The following ERCC1 variants were observed in gnomAD, a reference collection of about 807,000 sequenced individuals.
ERCC1 encodes the protein DNA excision repair protein ERCC-1.
A neutral mutation model predicts 37.6 loss-of-function variants in ERCC1; 36 were observed. The ratio of observed to expected loss-of-function variants is 0.96; its 90% CI spans 0.73 to 1.26. ERCC1 has a LOEUF of 1.26. Among genes scored for constraint, ERCC1 ranks in the 50% most tolerant of loss-of-function variants. The pLI is 0.00. For synonymous variants in ERCC1, 156 were observed against 162.1 expected (o/e 0.96, Z 0.28); for missense variants, 349 against 376.5 (o/e 0.93, Z 0.60).
intron 9 of ERCC1, among the ~76,000 whole-genome samples, chr19:45,412,583 T>C (rs1973808658): frequency 6.6e-6 from 1 of 152,218 alleles, no homozygotes; most frequent in African/African-American, 2.4e-5. Flanking sequence ...ACTTTTTGAT[T>C]GGATTATTAT....
intron 2 of ERCC1, among the ~76,000 whole-genome samples, 164 bp from the exon 3 acceptor site, chr19:45,421,557 C>T (rs951323332): frequency 6.6e-6 from 1 of 152,050 alleles, no homozygotes; most frequent in Non-Finnish European, 1.5e-5. Flanking sequence ...GCAACCTCCA[C>T]CTCCCGGGTT....
intron 1 of ERCC1, among the ~76,000 whole-genome samples, chr19:45,444,696 AAGACCACGCGAC>A (rs1966892043): frequency 6.6e-6 from 1 of 152,208 alleles, no homozygotes; most frequent in Non-Finnish European, 1.5e-5. Flanking sequence ...GATATAAGGA[AAGACCACGCGAC>A]AGATCGAACA....
At chr19:45,424,927 T>TC (rs535566182), upstream of ERCC1, among the ~76,000 whole-genome samples, 346 of 145,932 alleles carry the variant, frequency 2.4e-3, 3 homozygotes, top group African/African-American at 8.6e-3. Context: ...TTTTTCTTTT[T>TC]TTTTTTTTTT....
Position 45,410,716 on chromosome 19 carries a change from A to G in ERCC1, c.844-991T>C, listed in dbSNP as rs191156593. 69 of 152,288 alleles carry G rather than the reference A, an allele frequency of 4.5e-4. 1 individual carries two copies. Among genetic ancestry groups the G allele is most frequent in the African/African-American group, 1.7e-3 (69 of 41,570 alleles). The allele number at this position is 152,288 out of a possible 1,614,324, so 9.4% of individuals were successfully genotyped here. A position where few individuals can be genotyped will look rare whatever the true frequency, so the allele number is the denominator to read the frequency against. The stretch of plus-strand genomic sequence containing the variant: ...ATTGTTTTGATTTTTAGATACACAA[A>G]TAAATAAGAACATGCAATGTTTGTC... On this transcript the variant is annotated intron_variant, in intron 9 of 9. Transcript: ENST00000300853.
chr19:45,428,601 C>T (rs1974758628), upstream of ERCC1, among the ~76,000 whole-genome samples: 1 of 152,254 alleles, frequency 6.6e-6, no homozygotes, highest in Non-Finnish European at 1.5e-5. Flanking sequence ...ACCTTCCCCT[C>T]CTCTCAACTT....
chr19:45,438,898 C>T (rs182949221), intron 1 of ERCC1, among the ~76,000 whole-genome samples: 19 of 152,342 alleles, frequency 1.2e-4, no homozygotes, highest in East Asian at 7.7e-4. Flanking sequence ...CACTCGGCCT[C>T]CCGAAGTGCT....
In ERCC1 at chr19:45,408,809, GAC is replaced by G; in HGVS notation, c.*864_*865del. ...ACAGATTAACACTGAGCCTCTAGAAGACACAGTCCTGTCCCCGACCAAAAAGA... is the reference window on the plus strand; with the variant it reads ...ACAGATTAACACTGAGCCTCTAGAAGACAGTCCTGTCCCCGACCAAAAAGA... On this transcript the variant is annotated 3_prime_UTR_variant, in exon 10 of 10. Transcript: ENST00000300853. 1.2e-6 allele frequency: 2 copies of G among 1,614,032 alleles called. No homozygotes were observed. The highest frequency in any genetic ancestry group is 1.7e-6 in the Non-Finnish European group (2 of 1,180,018).
In ERCC1 at chr19:45,408,204, G is replaced by A. The variant is rs761801066; in HGVS notation, c.*1471C>T. 14 of 1,613,736 alleles carry A rather than the reference G, an allele frequency of 8.7e-6. No individual in the cohort carries two copies. The highest frequency in any genetic ancestry group is 4.4e-5 in the South Asian group (4 of 91,056). ...GGCAAATTGGCAGGCAAGCGGCACCGCTATCGAGTCCTCAGCAGCTGTCCC... is the reference window on the plus strand; with the variant it reads ...GGCAAATTGGCAGGCAAGCGGCACCACTATCGAGTCCTCAGCAGCTGTCCC... On this transcript the variant is annotated 3_prime_UTR_variant, in exon 10 of 10. Transcript: ENST00000300853.
Position 45,409,127 on chromosome 19 carries a change from A to T in ERCC1, c.*548T>A. 6.2e-7 allele frequency: 1 copy of T among 1,613,166 alleles called. No individual in the cohort carries two copies. Among genetic ancestry groups the T allele is most frequent in the Middle Eastern group, 1.7e-4 (1 of 6,056 alleles). On this transcript the variant is annotated 3_prime_UTR_variant, in exon 10 of 10. Transcript: ENST00000300853. ...AGCTCTGGCAGCTCCCAAAAAGAAG[A>T]CGAAGAAAGAAAAACAGCAAGATGC...
At chr19:45,441,627 G>A (rs905362367) in intron 1 of ERCC1, among the ~76,000 whole-genome samples, 9 of 151,612 alleles carry the variant, frequency 5.9e-5, no homozygotes, top group South Asian at 2.1e-4. Context: ...CGCCCACCTC[G>A]GCCTCCCAAA....
chr19:45,420,416 G>A lies in ERCC1; in HGVS notation c.333C>T (p.Pro111=), dbSNP rs200767762. 60 of 1,612,560 alleles carry A rather than the reference G, an allele frequency of 3.7e-5. No homozygotes were observed. Among genetic ancestry groups the A allele is most frequent in the Non-Finnish European group, 4.7e-5 (56 of 1,179,050 alleles). Residue 111 remains proline, a synonymous_variant, in exon 4 of 10, where the codon CCC becomes CCT. Transcript: ENST00000300853. This position sits in a 1 kb window ranked among gnomAD's most constrained non-coding sequence, Gnocchi z 4.8. ...GCACATTGCGCACGAACTTCAGTACGGGATTGCCCCTCTGGGGAGGGACGA... is the reference window on the plus strand; with the variant it reads ...GCACATTGCGCACGAACTTCAGTACAGGATTGCCCCTCTGGGGAGGGACGA... ...IIVSPRQRGN[P]VLKFVRNVPW...
chr19:45,414,919 T>C lies in ERCC1; in HGVS notation c.644A>G (p.Tyr215Cys). ...AGRYLETYKA[Y>C]EQKPADLLME... ...CAGGAGGTCCGCTGGTTTCTGCTCA[T>C]AGGCCTTGTAGGTCTCCAGGTACCG... The change falls in exon 7 of 10, where the codon TAT (tyrosine) becomes TGT (cysteine). Residue 215 changes from tyrosine (Y) to cysteine (C), a missense_variant. Coordinates refer to ENST00000300853, the MANE Select transcript of ERCC1 (RefSeq NM_001983.4). 6.2e-7 allele frequency: 1 copy of C among 1,613,948 alleles called. No homozygotes were observed. Among genetic ancestry groups the C allele is most frequent in the African/African-American group, 1.3e-5 (1 of 75,026 alleles).
chr19:45,445,942 G>A (rs1379779341), intron 1 of ERCC1, among the ~76,000 whole-genome samples: 3 of 152,168 alleles, frequency 2.0e-5, no homozygotes, highest in African/African-American at 4.8e-5. Context: ...AAGCTGGAGT[G>A]CAATGGCGTG....
chr19:45,414,902 C>A lies in ERCC1; in HGVS notation c.661G>T (p.Asp221Tyr). 6.2e-7 allele frequency: 1 copy of A among 1,613,918 alleles called. No individual in the cohort carries two copies. The highest frequency in any genetic ancestry group is 8.5e-7 in the Non-Finnish European group (1 of 1,179,912). ...TGCTCTAGCTTCTCCATCAGGAGGTCCGCTGGTTTCTGCTCATAGGCCTTG... is the reference window on the plus strand; with the variant it reads ...TGCTCTAGCTTCTCCATCAGGAGGTACGCTGGTTTCTGCTCATAGGCCTTG... ...TYKAYEQKPA[D>Y]LLMEKLEQDF... The change falls in exon 7 of 10, where the codon GAC becomes TAC. Residue 221 changes from aspartate to tyrosine, a missense_variant. Asp to Tyr is a radical substitution (Grantham distance 160). Transcript: ENST00000300853.
At chr19:45,412,464 G>A (rs1034699408) in intron 9 of ERCC1, among the ~76,000 whole-genome samples, 3 of 152,098 alleles carry the variant, frequency 2.0e-5, no homozygotes, top group African/African-American at 7.2e-5. Flanking sequence ...CAGCCTCACT[G>A]TAGTTTTGAT....
upstream of ERCC1, among the ~76,000 whole-genome samples, chr19:45,427,394 A>C (rs1974721379): frequency 1.3e-5 from 2 of 152,036 alleles, no homozygotes; most frequent in Non-Finnish European, 2.9e-5. Flanking sequence ...GTGGATCACG[A>C]GGTCAGGAGT....
rs528046799 is a variant in ERCC1, at chr19:45,422,767, A to G, written c.105+503T>C. Among the ~76,000 whole-genome samples the G allele has an allele frequency of 7.9e-5, 12 of 152,150 alleles. No individual in the cohort carries two copies. The South Asian group carries it at 2.5e-3, about 32-fold the overall frequency. ...GCGAGACTCTGTCTCAAAAAAATAAATAAATAAATAAATAAATAGAGTAGG... is the reference window on the plus strand; with the variant it reads ...GCGAGACTCTGTCTCAAAAAAATAAGTAAATAAATAAATAAATAGAGTAGG... On this transcript the variant is annotated intron_variant, in intron 2 of 9. Coordinates refer to ENST00000300853, the MANE Select transcript of ERCC1 (RefSeq NM_001983.4).
rs575710638 is a variant in ERCC1 at position 45,445,992 on chromosome 19, G to A, written c.-7-22611C>T. On this transcript the variant is annotated intron_variant, in intron 1 of 8. Coordinates refer to the ERCC1 transcript ENST00000423698. ...CAACCTCCGCCTCCTGGGTTCAAGCGATTCTCCTGCCTCAGCCTCCCAAGT... is the reference window on the plus strand; with the variant it reads ...CAACCTCCGCCTCCTGGGTTCAAGCAATTCTCCTGCCTCAGCCTCCCAAGT... 7.2e-5 allele frequency among the ~76,000 whole-genome samples: 11 copies of A among 152,118 alleles called. No homozygotes were observed. The East Asian group carries it at 9.7e-4, about 13-fold the overall frequency.
intron 1 of ERCC1, among the ~76,000 whole-genome samples, chr19:45,433,477 G>A (rs1211175639): frequency 6.6e-6 from 1 of 151,960 alleles, no homozygotes; most frequent in Non-Finnish European, 1.5e-5. Context: ...AGTGAGCCGA[G>A]ATTGCGCCAT....
Sources: gnomAD v4.1 joint callset for allele counts (sites outside exome capture counted in the v4.1 genomes callset) on GRCh38, gnomAD v4.1.1 for gene constraint, Gnocchi (gnomAD v3.1) non-coding constraint, MANE v1.5 for transcripts, NCBI Gene and HGNC (gene_info 2026-07-23, HGNC 2026-07-21) for gene names.